EPB41L3: variants seen among roughly 807,000 people sequenced by gnomAD.
EPB41L3 encodes the protein erythrocyte membrane protein band 4.1 like 3.
EPB41L3 carries 57 observed loss-of-function variants against 127.1 expected under a neutral mutation model. That is an observed-to-expected ratio of 0.45 (90% CI 0.36 to 0.56). EPB41L3 has a LOEUF of 0.56. Among genes scored for constraint, EPB41L3 ranks in the 20% least tolerant of loss-of-function variants. The pLI is 0.00. For missense variants in EPB41L3, 1,273 were observed against 1,372.2 expected (o/e 0.93, Z 1.14); for synonymous variants, 572 against 549.5 (o/e 1.04, Z -0.57).
At chr18:5,580,352 C>T (rs2094381283) in intron 3 of EPB41L3, among the ~76,000 whole-genome samples, 1 of 152,200 alleles carries the variant, frequency 6.6e-6, no homozygotes, top group Non-Finnish European at 1.5e-5. Flanking sequence ...TACTCATACA[C>T]ATGTGTATAG....
chr18:5,463,299 C>G (rs2084364538), intron 3 of EPB41L3, among the ~76,000 whole-genome samples: 1 of 152,144 alleles, frequency 6.6e-6, no homozygotes, highest in South Asian at 2.1e-4. Flanking sequence ...AGCACTCATC[C>G]CCTATTGTGA....
rs1598425937 is a variant in EPB41L3, at chr18:5,397,750, T to A, written c.2472+271A>T. Among the ~76,000 whole-genome samples the A allele has an allele frequency of 6.6e-6, 1 of 152,154 alleles. No homozygotes were observed. The highest frequency in any genetic ancestry group is 1.5e-5 in the Non-Finnish European group (1 of 68,038). On this transcript the variant is annotated intron_variant, in intron 17 of 22. Coordinates refer to ENST00000341928, the MANE Select transcript of EPB41L3 (RefSeq NM_012307.5). This position sits in a 1 kb window ranked among gnomAD's most constrained non-coding sequence, Gnocchi z 4.1. ...GTTGGTTTTGGCTGCTTTCTTAGACTCAACTGGTGAGACATAATGCTTTTA... is the reference window on the plus strand; with the variant it reads ...GTTGGTTTTGGCTGCTTTCTTAGACACAACTGGTGAGACATAATGCTTTTA...
intron 1 of EPB41L3, among the ~76,000 whole-genome samples, chr18:5,507,049 T>G (rs1279252915): frequency 2.6e-5 from 4 of 152,180 alleles, no homozygotes; most frequent in Non-Finnish European, 5.9e-5. Context: ...AGTGTGCGTG[T>G]AAAATGAAAC....
chr18:5,577,809 A>G (rs1446517273), intron 3 of EPB41L3, among the ~76,000 whole-genome samples: 1 of 152,154 alleles, frequency 6.6e-6, no homozygotes, highest in Non-Finnish European at 1.5e-5. Flanking sequence ...ATCTTTCACA[A>G]TTGTCATATT....
At chr18:5,617,165 G>A (rs1405667484) in intron 1 of EPB41L3, among the ~76,000 whole-genome samples, 1 of 151,588 alleles carries the variant, frequency 6.6e-6, no homozygotes, top group Non-Finnish European at 1.5e-5. Context: ...TTATATACTG[G>A]CCTCCCTATA....
At chr18:5,532,856 C>T (rs747935429) in intron 1 of EPB41L3, among the ~76,000 whole-genome samples, 1 of 151,970 alleles carries the variant, frequency 6.6e-6, no homozygotes, top group Non-Finnish European at 1.5e-5. Flanking sequence ...AAATGCTTTA[C>T]AGTTCTAGTC....
In EPB41L3 at chr18:5,393,366, G is replaced by A; in HGVS notation, c.*119C>T. On this transcript the variant is annotated 3_prime_UTR_variant, in exon 23 of 23. Transcript: ENST00000341928. ...TGGTCAAGGTCAATTCTTCTGGACT[G>A]AAATTTTCCACGGACAGATACAAGT... 1 of 605,662 alleles carries A rather than the reference G, an allele frequency of 1.7e-6. No homozygotes were observed. Among genetic ancestry groups the A allele is most frequent in the Admixed American group, 2.9e-5 (1 of 35,084 alleles). 37.5% of individuals were successfully genotyped at this position (605,662 alleles called of 1,614,324 possible).
intron 3 of EPB41L3, among the ~76,000 whole-genome samples, chr18:5,460,781 C>T (rs902789461): frequency 2.0e-5 from 3 of 152,194 alleles, no homozygotes; most frequent in Non-Finnish European, 4.4e-5. Flanking sequence ...GAGGCTTCCT[C>T]CTCTGTGCCT....
At chr18:5,478,821 C>T (rs557840666) in intron 2 of EPB41L3, among the ~76,000 whole-genome samples, 33 of 152,256 alleles carry the variant, frequency 2.2e-4, no homozygotes, top group African/African-American at 7.7e-4. Context: ...TTCACCAGAT[C>T]CTTCTATACT....
In EPB41L3 at chr18:5,416,340, G is replaced by A. The variant is rs369506575; in HGVS notation, c.1545C>T (p.Pro515=). The A allele has an allele frequency of 9.8e-5, 158 of 1,613,876 alleles. No homozygotes were observed. In the South Asian group the frequency reaches 1.7e-3, roughly 17 times the overall value. The part of the protein sequence containing the change: ...GLGTDSCPLS[P]PSTHCAPTSP... Reference sequence around the variant, plus strand: ...ATGTGGGGGCACAATGGGTGGATGGGGGTGACAAGGGACATGAGTCAGTGC... The same window carrying A: ...ATGTGGGGGCACAATGGGTGGATGGAGGTGACAAGGGACATGAGTCAGTGC... Residue 515 remains proline, a synonymous_variant, in exon 13 of 23, where the codon CCC becomes CCT. Coordinates refer to ENST00000341928, the MANE Select transcript of EPB41L3 (RefSeq NM_012307.5).
chr18:5,610,366 T>C (rs1379297237), intron 3 of EPB41L3: 1 of 894,788 alleles, frequency 1.1e-6, no homozygotes. Context: ...CAGTGGGAGT[T>C]AAGGAGAAAG....
intron 1 of EPB41L3, among the ~76,000 whole-genome samples, chr18:5,516,826 A>G (rs1268393226): frequency 1.3e-5 from 2 of 152,242 alleles, no homozygotes; most frequent in Non-Finnish European, 2.9e-5. Flanking sequence ...CAGAGTATGG[A>G]AAGGCCTCAA....
At chr18:5,489,300 G>C (rs2090310184) in intron 1 of EPB41L3, 106 bp from the exon 2 acceptor site, 2 of 1,336,454 alleles carry the variant, frequency 1.5e-6, no homozygotes, top group Admixed American at 2.9e-5. Flanking sequence ...CCACAGAGAG[G>C]GAGATGCTAC....
At chr18:5,497,541 C>A (rs2091289873) in intron 1 of EPB41L3, among the ~76,000 whole-genome samples, 1 of 152,160 alleles carries the variant, frequency 6.6e-6, no homozygotes, top group South Asian at 2.1e-4. Flanking sequence ...ACACAGGGAT[C>A]CCTAGTGGCA....
intron 6 of EPB41L3, 22 bp downstream of exon 6, chr18:5,438,013 T>G: frequency 6.2e-7 from 1 of 1,611,140 alleles, no homozygotes; most frequent in East Asian, 2.2e-5. Flanking sequence ...GCTTGTCTTT[T>G]GCATAGCCAA....
chr18:5,479,164 T>C (rs899842155), intron 2 of EPB41L3, among the ~76,000 whole-genome samples: 6 of 152,224 alleles, frequency 3.9e-5, no homozygotes, highest in Admixed American at 1.3e-4. Flanking sequence ...TTCTCCCGTA[T>C]ACCAATCTCT....
chr18:5,397,204 C>G lies in EPB41L3; in HGVS notation c.2695G>C (p.Glu899Gln). ...IKGKEGSALT[E>Q]GAKEEGGEEV... ...TCCCCTCCTTCCTCTTTAGCCCCCT[C>G]CGTCAAGGCAGAGCCCTCTTTCCCT... Residue 899 changes from glutamate to glutamine, a missense_variant, in exon 18 of 23, where the codon GAG (glutamate) becomes CAG (glutamine). Transcript: ENST00000341928. The surrounding 1 kb of genome is among the most constrained non-coding windows in gnomAD (Gnocchi z 4.1). 6.2e-7 allele frequency: 1 copy of G among 1,614,154 alleles called. No individual in the cohort carries two copies. Among genetic ancestry groups the G allele is most frequent in the South Asian group, 1.1e-5 (1 of 91,074 alleles).
intron 3 of EPB41L3, among the ~76,000 whole-genome samples, chr18:5,557,314 GT>G (rs570175816): frequency 6.6e-5 from 10 of 152,284 alleles, no homozygotes; most frequent in Admixed American, 2.6e-4. Context: ...TTCCTAACAT[GT>G]TTTTTTCCTG....
At position 5,438,099 on chromosome 18, in the gene EPB41L3, G is replaced by A. The variant is rs1288762698; in HGVS notation, c.541C>T (p.His181Tyr). Residue 181 changes from histidine to tyrosine, a missense_variant, in exon 6 of 23, where the codon CAC (histidine) becomes TAC (tyrosine). Around this residue, in one of 3 missense-constraint regions of EPB41L3, gnomAD observed 326 missense variants for 440.2 expected, o/e 0.74. Coordinates refer to ENST00000341928, the MANE Select transcript of EPB41L3 (RefSeq NM_012307.5). ...IKKQVRSGAW[H>Y]FSFNVKFYPP... is the part of the protein sequence containing the mutation. Reference sequence around the variant, plus strand: ...TAAAATTTCACATTAAATGAAAAGTGCCAAGCACCACCTGCAAGGATGGAA... The same window carrying A: ...TAAAATTTCACATTAAATGAAAAGTACCAAGCACCACCTGCAAGGATGGAA... 1.2e-6 allele frequency: 2 copies of A among 1,613,558 alleles called. No homozygotes were observed. Among genetic ancestry groups the A allele is most frequent in the Admixed American group, 1.7e-5 (1 of 59,988 alleles).
Sources: gnomAD v4.1 joint callset for allele counts (sites outside exome capture counted in the v4.1 genomes callset) on GRCh38, gnomAD v4.1.1 for gene constraint, gnomAD v4.1.1 regional missense constraint, Gnocchi (gnomAD v3.1) non-coding constraint, MANE v1.5 for transcripts, NCBI Gene and HGNC (gene_info 2026-07-23, HGNC 2026-07-21) for gene names.